UBE3A: variants seen among roughly 807,000 people sequenced by gnomAD.
The protein encoded by UBE3A is ubiquitin-protein ligase E3A.
Under a neutral mutation model 83.4 loss-of-function variants are expected in UBE3A, and 6 were observed. The observed-to-expected ratio is 0.07, with a 90% confidence interval of 0.04 to 0.14. The LOEUF (loss-of-function observed/expected upper bound fraction) is 0.14, where lower values mean the gene tolerates loss of function less well. Among genes scored for constraint, UBE3A ranks in the 10% least tolerant of loss-of-function variants. The probability of loss-of-function intolerance (pLI) is 1.00; values close to 1 mark genes in which losing one functional copy is unlikely to be tolerated. For synonymous variants in UBE3A, 337 were observed against 355.4 expected (o/e 0.95, Z 0.58); for missense variants, 456 against 1,036.1 (o/e 0.44, Z 7.69).
intron 6 of UBE3A, among the ~76,000 whole-genome samples, chr15:25,365,568 G>GA (rs11421203): frequency 0.37 from 56,381 of 151,308 alleles, 13,710 homozygotes; most frequent in African/African-American, 0.7. Flanking sequence ...CTAACACGGT[G>GA]AACCCCATCT....
At chr15:25,392,180 T>G (rs1305386126) in intron 4 of UBE3A, among the ~76,000 whole-genome samples, 1 of 152,172 alleles carries the variant, frequency 6.6e-6, no homozygotes, top group African/African-American at 2.4e-5. Flanking sequence ...TGTCCAGAGC[T>G]TACTGTACCT....
intron 4 of UBE3A, among the ~76,000 whole-genome samples, chr15:25,400,468 T>C (rs1020229259): frequency 2.6e-5 from 4 of 152,232 alleles, no homozygotes; most frequent in Non-Finnish European, 5.9e-5. Flanking sequence ...GTATTTTTAT[T>C]GTTGTATTTT....
At chr15:25,394,551 A>G (rs2085122232) in intron 4 of UBE3A, among the ~76,000 whole-genome samples, 1 of 152,220 alleles carries the variant, frequency 6.6e-6, no homozygotes, top group Admixed American at 6.5e-5. Context: ...CATATAGGAA[A>G]TAAAAGCATC....
In UBE3A at chr15:25,335,286, G is replaced by A. The variant is rs1216080989; in HGVS notation, c.*3851C>T. The A allele has an allele frequency of 6.9e-6, 1 of 145,694 alleles. No individual in the cohort carries two copies. Among genetic ancestry groups the A allele is most frequent in the African/African-American group, 2.4e-5 (1 of 40,960 alleles). The allele number at this position is 145,694 out of a possible 1,614,324, so 9.0% of individuals were successfully genotyped here. Reference sequence around the variant, plus strand: ...GTCATGAAGAGTATTTGAGAAATATGACAAGTGAAGATGCTGGGTAGGAAT... The same window carrying A: ...GTCATGAAGAGTATTTGAGAAATATAACAAGTGAAGATGCTGGGTAGGAAT... On this transcript the variant is annotated 3_prime_UTR_variant, in exon 13 of 13. Coordinates refer to ENST00000648336, the MANE Select transcript of UBE3A (RefSeq NM_130839.5).
chr15:25,404,588 T>C (rs538935110), intron 4 of UBE3A, among the ~76,000 whole-genome samples: 1 of 152,300 alleles, frequency 6.6e-6, no homozygotes, highest in Admixed American at 6.5e-5. Context: ...ACTGTCATTG[T>C]CAAGGCTCTC....
At chr15:25,428,633 T>C (rs1892127091) in intron 1 of UBE3A, among the ~76,000 whole-genome samples, 1 of 152,178 alleles carries the variant, frequency 6.6e-6, no homozygotes, top group African/African-American at 2.4e-5. Flanking sequence ...ATTTAAAACA[T>C]ACAGAAAATA....
chr15:25,437,860 A>G (rs1243151221), intron 1 of UBE3A, among the ~76,000 whole-genome samples: 30 of 148,696 alleles, frequency 2.0e-4, no homozygotes, highest in Admixed American at 1.7e-3. Flanking sequence ...AGGGGGGGGA[A>G]AAAAGGCCAA....
At chr15:25,418,522 T>C (rs180732456) in intron 1 of UBE3A, 15 of 152,222 alleles carry the variant, frequency 9.9e-5, no homozygotes, top group Non-Finnish European at 1.8e-4. Context: ...AAGTATTGTA[T>C]GACTCTACTT....
intron 1 of UBE3A, among the ~76,000 whole-genome samples, chr15:25,430,148 AATAC>A (rs1421331076): frequency 8.8e-4 from 43 of 48,830 alleles, no homozygotes; most frequent in African/African-American, 4.7e-3. Context: ...TTATATATAT[AATAC>A]ATATATATAA....
intron 1 of UBE3A, among the ~76,000 whole-genome samples, chr15:25,423,993 T>C (rs1890587971): frequency 6.6e-6 from 1 of 152,186 alleles, no homozygotes; most frequent in Non-Finnish European, 1.5e-5. Context: ...GGTCTACCAA[T>C]TGGTCTGTTT....
chr15:25,386,143 G>T (rs2083085826), intron 4 of UBE3A, among the ~76,000 whole-genome samples: 1 of 152,116 alleles, frequency 6.6e-6, no homozygotes, highest in African/African-American at 2.4e-5. Context: ...GAATGAGGGA[G>T]GGGTGGGATT....
chr15:25,405,521 A>G lies in UBE3A; in HGVS notation c.21-19T>C. The G allele has an allele frequency of 1.9e-6, 3 of 1,613,562 alleles. No individual in the cohort carries two copies. The South Asian group carries it at 3.3e-5, about 18-fold the overall frequency. The stretch of plus-strand genomic sequence containing the variant: ...TCCTGATCTGTAAAATGCAATTGAG[A>G]AACAGTTAGCAAAATATTCCATATT... On this transcript the variant is annotated intron_variant, in intron 3 of 12. Coordinates refer to ENST00000648336, the MANE Select transcript of UBE3A (RefSeq NM_130839.5).
At chr15:25,421,545 C>A (rs926311500) in intron 1 of UBE3A, among the ~76,000 whole-genome samples, 5 of 152,088 alleles carry the variant, frequency 3.3e-5, no homozygotes, top group Non-Finnish European at 5.9e-5. Context: ...ACAGTGATTA[C>A]CAGCAGATAG....
rs753988917 is a variant in UBE3A at position 25,354,561 on chromosome 15, T to C, written c.2247A>G (p.Pro749=). 10 of 1,613,962 alleles carry C rather than the reference T, an allele frequency of 6.2e-6. No homozygotes were observed. In the Admixed American group the frequency reaches 1.3e-4, roughly 22 times the overall value. ...NESPLKYLFR[P]EEIELLICGS... ...CACATATAAGCAATTCAATTTCTTC[T>C]GGTCTGAATAAGTACTTTAAGGGAG... The change falls in exon 10 of 13, where the codon CCA becomes CCG. Residue 749 remains proline, a synonymous_variant. Coordinates refer to ENST00000648336, the MANE Select transcript of UBE3A (RefSeq NM_130839.5).
rs769284300 is a variant in UBE3A, at chr15:25,371,537, C to T, written c.637G>A (p.Asp213Asn). ...DSEASSSRIGDSSQGDNNLQK... is the reference protein window; with the variant it reads ...DSEASSSRIGNSSQGDNNLQK... ...AAATTGTTGTCTCCCTGTGAGCTATCACCTATCCTTGAGGAAGATGCTTCT... is the reference window on the plus strand; with the variant it reads ...AAATTGTTGTCTCCCTGTGAGCTATTACCTATCCTTGAGGAAGATGCTTCT... Residue 213 changes from aspartate (D) to asparagine (N), a missense_variant, in exon 6 of 13, where the codon GAT (aspartate) becomes AAT (asparagine). Asp to Asn is a conservative substitution (Grantham distance 23). This residue lies in a region of UBE3A where 42 missense variants were observed against 41.8 expected (regional missense o/e 1.00). Coordinates refer to ENST00000648336, the MANE Select transcript of UBE3A (RefSeq NM_130839.5). The surrounding 1 kb of genome is among the most constrained non-coding windows in gnomAD (Gnocchi z 5.3). The T allele has an allele frequency of 3.7e-6, 6 of 1,614,180 alleles. No individual in the cohort carries two copies. The highest frequency in any genetic ancestry group is 5.1e-6 in the Non-Finnish European group (6 of 1,180,018).
chr15:25,352,472 T>C (rs768017986), intron 11 of UBE3A, among the ~76,000 whole-genome samples: 1 of 152,228 alleles, frequency 6.6e-6, no homozygotes, highest in African/African-American at 2.4e-5. Flanking sequence ...GTTTACATTA[T>C]ACTGTAGTCA....
At position 25,335,724 on chromosome 15, in the gene UBE3A, C is replaced by G. The variant is rs1269460905; in HGVS notation, c.*3413G>C. On this transcript the variant is annotated 3_prime_UTR_variant, in exon 13 of 13. Coordinates refer to ENST00000648336, the MANE Select transcript of UBE3A (RefSeq NM_130839.5). ...TGACTATGAGGTAACAAAGAAATCC[C>G]AGAGACAGAGGTCTGAGCAAAAGAT... The G allele has an allele frequency of 6.6e-6, 1 of 152,060 alleles. No homozygotes were observed. The highest frequency in any genetic ancestry group is 1.5e-5 in the Non-Finnish European group (1 of 68,018). 9.4% of individuals were successfully genotyped at this position (152,060 alleles called of 1,614,324 possible).
chr15:25,399,278 C>T (rs573088891), intron 4 of UBE3A, among the ~76,000 whole-genome samples: 42 of 152,100 alleles, frequency 2.8e-4, no homozygotes, highest in Non-Finnish European at 4.9e-4. Context: ...AAATCACTGT[C>T]CAAACCAATG....
At chr15:25,366,869 C>T (rs1199951262) in intron 6 of UBE3A, among the ~76,000 whole-genome samples, 42 of 152,090 alleles carry the variant, frequency 2.8e-4, no homozygotes, top group Admixed American at 2.7e-3. Flanking sequence ...TGGAGTATTA[C>T]CAGAAGTTCA....
Sources: allele counts gnomAD v4.1 joint callset (sites outside exome capture counted in the v4.1 genomes callset), GRCh38; gene constraint gnomAD v4.1.1; regional missense constraint gnomAD v4.1.1; non-coding constraint Gnocchi (gnomAD v3.1); transcripts MANE v1.5; gene names NCBI Gene and HGNC (gene_info 2026-07-23, HGNC 2026-07-21).